ISM1: variants seen among roughly 807,000 people sequenced by gnomAD.
The protein encoded by ISM1 is isthmin 1.
Under a neutral mutation model 46.3 loss-of-function variants are expected in ISM1, and 25 were observed. That is an observed-to-expected ratio of 0.54 (90% confidence interval 0.39 to 0.75). The LOEUF is 0.75. Among genes scored for constraint, ISM1 ranks in the 30% least tolerant of loss-of-function variants. The pLI is 0.00. For missense variants in ISM1, 536 were observed against 625.4 expected (o/e 0.86, Z 1.52); for synonymous variants, 255 against 256.7 (o/e 0.99, Z 0.06).
chr20:13,247,517 G>GGTGTGTGTGTGTGTCTGTGTGTGT (rs55680207), intron 1 of ISM1, among the ~76,000 whole-genome samples: 59 of 139,912 alleles, frequency 4.2e-4, no homozygotes, highest in African/African-American at 1.5e-3. Flanking sequence ...CAAAGTGAGG[G>GGTGTGTGTGTGTGTCTGTGTGTGT]GTGTGTGTGT....
chr20:13,247,367 G>A (rs114145278), intron 1 of ISM1, among the ~76,000 whole-genome samples: 218 of 152,300 alleles, frequency 1.4e-3, no homozygotes, highest in African/African-American at 5.0e-3. Flanking sequence ...GTGTCAGCGT[G>A]TCCCTTCCTG....
At chr20:13,316,282 G>A in the ISM1 span, among the ~76,000 whole-genome samples, 1 of 151,868 alleles carries the variant, frequency 6.6e-6, no homozygotes, top group Non-Finnish European at 1.5e-5. Context: ...ATCTATTAAG[G>A]AAATTGAATT....
intron 3 of ISM1, among the ~76,000 whole-genome samples, chr20:13,284,577 C>T (rs1413162946): frequency 6.6e-6 from 1 of 152,202 alleles, no homozygotes; most frequent in East Asian, 1.9e-4. Context: ...GCACTGCCCT[C>T]AATGATTTGT....
At chr20:13,303,891 T>C (rs889239194), downstream of ISM1, among the ~76,000 whole-genome samples, 1 of 152,216 alleles carries the variant, frequency 6.6e-6, no homozygotes, top group Non-Finnish European at 1.5e-5. Flanking sequence ...TTATTTAAGG[T>C]GATGCTGGTT....
At chr20:13,318,136 A>AAAAT in the ISM1 span, among the ~76,000 whole-genome samples, 942 of 145,132 alleles carry the variant, frequency 6.5e-3, 8 homozygotes, top group Non-Finnish European at 0.011. Flanking sequence ...GACACTTGAA[A>AAAAT]AAATAAATAA....
intron 1 of ISM1, among the ~76,000 whole-genome samples, chr20:13,257,293 T>C (rs2039939349): frequency 6.6e-6 from 1 of 152,086 alleles, no homozygotes; most frequent in Non-Finnish European, 1.5e-5. Flanking sequence ...AGTGGGAGGA[T>C]CATCTGAGGT....
chr20:13,321,382 TAG>T, the ISM1 span, among the ~76,000 whole-genome samples: 1 of 151,690 alleles, frequency 6.6e-6, no homozygotes, highest in South Asian at 2.1e-4. Context: ...TTCTTACAGC[TAG>T]TGTGGTAGAC....
chr20:13,314,214 AAT>A, the ISM1 span, among the ~76,000 whole-genome samples: 1 of 152,196 alleles, frequency 6.6e-6, no homozygotes, highest in Non-Finnish European at 1.5e-5. Flanking sequence ...TATTTGAAAT[AAT>A]AATAACAGAA....
intron 5 of ISM1, among the ~76,000 whole-genome samples, chr20:13,293,932 C>G (rs963851231): frequency 2.6e-5 from 4 of 151,878 alleles, no homozygotes; most frequent in African/African-American, 9.7e-5. Context: ...CGAGATCACA[C>G]CATTGCACTC....
chr20:13,289,088 T>C (rs185308075), intron 4 of ISM1, among the ~76,000 whole-genome samples: 64 of 152,226 alleles, frequency 4.2e-4, no homozygotes, highest in Non-Finnish European at 4.7e-4. Flanking sequence ...GTAACTACTT[T>C]TCTAATAAGA....
At chr20:13,317,253 AC>A in the ISM1 span, among the ~76,000 whole-genome samples, 2 of 151,870 alleles carry the variant, frequency 1.3e-5, no homozygotes, top group African/African-American at 2.4e-5. Context: ...CACCAAAAAA[AC>A]AAAACAAAAC....
chr20:13,302,181 G>A (rs1334430752), downstream of ISM1, among the ~76,000 whole-genome samples: 1 of 152,138 alleles, frequency 6.6e-6, no homozygotes, highest in Non-Finnish European at 1.5e-5. Flanking sequence ...CGGTGAAAAT[G>A]ACTAATGTGA....
intron 3 of ISM1, among the ~76,000 whole-genome samples, chr20:13,287,222 C>A (rs2123304034): frequency 6.6e-6 from 1 of 152,244 alleles, no homozygotes; most frequent in South Asian, 2.1e-4. Flanking sequence ...GCTGGGGAGG[C>A]CTCACAATCA....
the ISM1 span, among the ~76,000 whole-genome samples, chr20:13,308,010 G>T: frequency 1.3e-5 from 2 of 152,194 alleles, no homozygotes; most frequent in Admixed American, 6.5e-5. Flanking sequence ...CAAAGTGGTT[G>T]TCCTGGTGGA....
the ISM1 span, among the ~76,000 whole-genome samples, chr20:13,320,714 T>C: frequency 0.52 from 79,078 of 151,992 alleles, 21,109 homozygotes; most frequent in East Asian, 0.67. Flanking sequence ...CATATTTCTC[T>C]TGAAGCAGTT....
At chr20:13,262,977 C>T (rs995586260) in intron 1 of ISM1, among the ~76,000 whole-genome samples, 2 of 152,178 alleles carry the variant, frequency 1.3e-5, no homozygotes, top group East Asian at 3.8e-4. Context: ...CAGCAGGCTC[C>T]ATTCCCAAAC....
At chr20:13,269,316 G>A (rs2040084132) in intron 1 of ISM1, among the ~76,000 whole-genome samples, 1 of 152,218 alleles carries the variant, frequency 6.6e-6, no homozygotes, top group African/African-American at 2.4e-5. Context: ...TTTGGAAAAG[G>A]AGTCCAGCAA....
intron 1 of ISM1, among the ~76,000 whole-genome samples, chr20:13,253,301 G>C (rs895885875): frequency 6.6e-6 from 1 of 152,108 alleles, no homozygotes; most frequent in African/African-American, 2.4e-5. Context: ...GAGGAGCTCT[G>C]CCTTCCCTCA....
chr20:13,319,967 C>T, the ISM1 span, among the ~76,000 whole-genome samples: 1 of 152,198 alleles, frequency 6.6e-6, no homozygotes, highest in Non-Finnish European at 1.5e-5. Context: ...GAAGAAAGCA[C>T]AGGCAGTTCT....
Sources: allele counts gnomAD v4.1 joint callset (sites outside exome capture counted in the v4.1 genomes callset), GRCh38; gene constraint gnomAD v4.1.1; transcripts MANE v1.5; gene names NCBI Gene and HGNC (gene_info 2026-07-23, HGNC 2026-07-21).